The following MYO18B variants were observed in gnomAD, a reference collection of about 807,000 sequenced individuals.
MYO18B encodes unconventional myosin-XVIIIb.
Under a neutral mutation model 273.0 loss-of-function variants are expected in MYO18B, and 204 were observed. The ratio of observed to expected loss-of-function variants is 0.75; its 90% CI spans 0.67 to 0.84. MYO18B has a LOEUF of 0.84. MYO18B is among the 40% of genes least tolerant of loss of function. The pLI is 0.00. For synonymous variants in MYO18B, 1,330 were observed against 1,305.7 expected, an observed-to-expected ratio of 1.02 and a Z score of -0.40; for missense variants, 3,212 against 3,287.6, an observed-to-expected ratio of 0.98 and a Z score of 0.56.
At chr22:25,995,921 C>T (rs1298985655) in intron 40 of MYO18B, among the ~76,000 whole-genome samples, 1 of 152,166 alleles carries the variant, frequency 6.6e-6, no homozygotes, top group African/African-American at 2.4e-5. Flanking sequence ...TGTCTCATAG[C>T]TGGAAGGGAC....
intron 42 of MYO18B, among the ~76,000 whole-genome samples, chr22:26,015,646 A>G (rs1263429310): frequency 6.6e-6 from 1 of 152,282 alleles, no homozygotes; most frequent in East Asian, 1.9e-4. Flanking sequence ...ACTGGGGCCT[A>G]TCAGAAGGTG....
chr22:25,918,098 T>C (rs1447554605), intron 33 of MYO18B, among the ~76,000 whole-genome samples: 1 of 152,216 alleles, frequency 6.6e-6, no homozygotes, highest in Admixed American at 6.5e-5. Context: ...TTAAAAGCGA[T>C]AAGGTCCACT....
chr22:25,851,604 G>C (rs756090483), intron 21 of MYO18B, 25 bp downstream of exon 21: 41 of 1,467,010 alleles, frequency 2.8e-5, no homozygotes, highest in Non-Finnish European at 5.6e-6. Flanking sequence ...TGCGAGAGGG[G>C]TGAAGGCCCT....
At chr22:25,795,996 A>T (rs1290393082) in intron 11 of MYO18B, among the ~76,000 whole-genome samples, 1 of 152,160 alleles carries the variant, frequency 6.6e-6, no homozygotes, top group African/African-American at 2.4e-5. Flanking sequence ...AAATTCAAAG[A>T]CTTGCTGGCT....
chr22:25,999,654 C>CCTCCTCCTCTTT (rs1555986344), intron 40 of MYO18B, among the ~76,000 whole-genome samples: 2 of 139,330 alleles, frequency 1.4e-5, no homozygotes, highest in African/African-American at 5.7e-5. Flanking sequence ...TCCTCCTTCT[C>CCTCCTCCTCTTT]CTCCTCCTCC....
intron 15 of MYO18B, among the ~76,000 whole-genome samples, chr22:25,829,945 C>A (rs551406313): frequency 1.1e-4 from 16 of 152,114 alleles, no homozygotes; most frequent in African/African-American, 3.4e-4. Context: ...AATGAACATA[C>A]GTGTGTCTCT....
At position 25,835,367 on chromosome 22, in the gene MYO18B, T is replaced by C. The variant is rs142169887; in HGVS notation, c.3132T>C (p.His1044=). Residue 1044 remains histidine, a synonymous_variant, in exon 17 of 44, where the codon CAT becomes CAC. Coordinates refer to ENST00000335473, the MANE Select transcript of MYO18B (RefSeq NM_032608.7). ...GLFWVLDEEV[H]VEGSSDSVVL... ...TCTGGGTCTTAGATGAGGAAGTCCATGTAGAGGGCTCCAGTGACAGTGTGG... is the reference window on the plus strand; with the variant it reads ...TCTGGGTCTTAGATGAGGAAGTCCACGTAGAGGGCTCCAGTGACAGTGTGG... 1.8e-4 allele frequency: 293 copies of C among 1,613,914 alleles called. 2 individuals are homozygous for C. In the East Asian group the frequency reaches 6.3e-3, roughly 35 times the overall value.
At chr22:25,955,696 A>G (rs1362532068) in intron 39 of MYO18B, among the ~76,000 whole-genome samples, 2 of 152,160 alleles carry the variant, frequency 1.3e-5, no homozygotes, top group African/African-American at 4.8e-5. Context: ...AAGAGGAAAA[A>G]ACCGGTATTT....
At chr22:25,870,439 A>G (rs1959318228) in intron 22 of MYO18B, among the ~76,000 whole-genome samples, 1 of 152,252 alleles carries the variant, frequency 6.6e-6, no homozygotes, top group Admixed American at 6.5e-5. Context: ...GTATTTAAAC[A>G]TAGAAAAAGT....
chr22:25,763,182 C>G, intron 2 of MYO18B, 49 bp from the exon 3 acceptor site: 1 of 1,609,826 alleles, frequency 6.2e-7, no homozygotes, highest in Non-Finnish European at 8.5e-7. Context: ...CAGCTTGCTC[C>G]TGCTGGTTGA....
chr22:25,888,647 GC>G (rs1217054579), intron 25 of MYO18B, among the ~76,000 whole-genome samples: 1 of 106,962 alleles, frequency 9.3e-6, no homozygotes, highest in African/African-American at 7.4e-5. Context: ...GCAAGAGAAA[GC>G]TCCCATGCTG....
intron 36 of MYO18B, 103 bp from the exon 37 acceptor site, chr22:25,950,264 A>T: frequency 1.1e-6 from 1 of 885,896 alleles, no homozygotes; most frequent in Non-Finnish European, 1.7e-6. Context: ...TGAGAGATGT[A>T]GACATCTGTG....
intron 19 of MYO18B, among the ~76,000 whole-genome samples, chr22:25,846,730 A>G (rs376623561): frequency 3.3e-5 from 5 of 152,236 alleles, no homozygotes; most frequent in Non-Finnish European, 7.3e-5. Flanking sequence ...AGATTGGTCA[A>G]TGGCCAGGCT....
chr22:25,932,071 G>A (rs141018690), intron 34 of MYO18B, among the ~76,000 whole-genome samples: 1 of 152,078 alleles, frequency 6.6e-6, no homozygotes, highest in Non-Finnish European at 1.5e-5. Flanking sequence ...GCTCTGCGTA[G>A]AGGCAAATTG....
intron 18 of MYO18B, among the ~76,000 whole-genome samples, chr22:25,844,113 G>A (rs2090165701): frequency 6.6e-6 from 1 of 152,224 alleles, no homozygotes; most frequent in Admixed American, 6.5e-5. Context: ...TGGCCTCCTG[G>A]GGAGGTGGAA....
At chr22:25,802,776 A>AAC (rs1569041174) in intron 12 of MYO18B, among the ~76,000 whole-genome samples, 15 of 147,574 alleles carry the variant, frequency 1.0e-4, no homozygotes, top group African/African-American at 3.6e-4. Context: ...AAAAAAAAAA[A>AAC]CCCCTATAGC....
rs764193013 is a variant in MYO18B, at chr22:25,763,276, C to G, written c.85C>G (p.Leu29Val). 1 of 1,612,152 alleles carries G rather than the reference C, an allele frequency of 6.2e-7. No individual in the cohort carries two copies. Among genetic ancestry groups the G allele is most frequent in the African/African-American group, 1.3e-5 (1 of 74,728 alleles). Residue 29 changes from leucine to valine, a missense_variant, in exon 3 of 44, where the codon CTT becomes GTT. Leu to Val is a conservative substitution (Grantham distance 32, BLOSUM62 1). Transcript: ENST00000335473. ...KSPPPSSPPP[L>V]FSVIPGGFIK... The stretch of plus-strand genomic sequence containing the variant: ...CCCTCCACCATCCTCGCCCCCTCCT[C>G]TTTTCTCTGTCATCCCAGGGGGCTT...
At chr22:26,002,295 T>C (rs555790074) in intron 40 of MYO18B, among the ~76,000 whole-genome samples, 82 of 152,262 alleles carry the variant, frequency 5.4e-4, no homozygotes, top group Non-Finnish European at 3.2e-4. Context: ...TGTTGTTTAC[T>C]GACTTTTCTT....
intron 1 of MYO18B, among the ~76,000 whole-genome samples, chr22:25,753,803 CCCGTCCGAAAG>C (rs1021113322): frequency 2.0e-5 from 3 of 152,170 alleles, no homozygotes; most frequent in Non-Finnish European, 4.4e-5. Flanking sequence ...AAACTCCAGA[CCCGTCCGAAAG>C]TCAGAAGGAA....
Sources: gnomAD v4.1 joint callset for allele counts (sites outside exome capture counted in the v4.1 genomes callset) on GRCh38, gnomAD v4.1.1 for gene constraint, MANE v1.5 for transcripts, NCBI Gene and HGNC (gene_info 2026-07-23, HGNC 2026-07-21) for gene names.